Variants in ADAM2 observed in about 807,000 individuals in gnomAD.
The protein encoded by ADAM2 is disintegrin and metalloproteinase domain-containing protein 2.
A neutral mutation model predicts 99.3 loss-of-function variants in ADAM2; 101 were observed. That is an observed-to-expected ratio of 1.02 (90% CI 0.87 to 1.20). The LOEUF (loss-of-function observed/expected upper bound fraction) is 1.20, where lower values mean the gene tolerates loss of function less well. Among genes scored for constraint, ADAM2 ranks in the 50% most tolerant of loss-of-function variants. ADAM2 has a pLI of 0.00. For missense variants in ADAM2, 948 were observed against 878.7 expected (o/e 1.08, Z -1.00); for synonymous variants, 323 against 287.6 (o/e 1.12, Z -1.25).
intron 6 of ADAM2, among the ~76,000 whole-genome samples, chr8:39,815,657 TA>T (rs1442968322): frequency 2.0e-4 from 30 of 152,280 alleles, no homozygotes; most frequent in African/African-American, 5.5e-4. Context: ...GGCAGGGAAT[TA>T]CATGAAATTT....
chr8:39,755,543 T>A (rs1802115257), intron 16 of ADAM2, among the ~76,000 whole-genome samples, 185 bp downstream of exon 16: 1 of 152,008 alleles, frequency 6.6e-6, no homozygotes, highest in African/African-American at 2.4e-5. Context: ...GGTGTGGTGG[T>A]ACCACCTGTA....
chr8:39,778,678 CGAG>C (rs1803095805), intron 10 of ADAM2, among the ~76,000 whole-genome samples: 2 of 147,854 alleles, frequency 1.4e-5, no homozygotes, highest in South Asian at 2.1e-4. Context: ...AGGAGGAGGA[CGAG>C]GAGGAGGAGA....
intron 16 of ADAM2, among the ~76,000 whole-genome samples, chr8:39,753,473 G>T (rs1196360955): frequency 6.6e-6 from 1 of 151,982 alleles, no homozygotes; most frequent in East Asian, 1.9e-4. Context: ...GTCTGCTGCA[G>T]AAATTTGCAT....
chr8:39,784,051 G>A lies in ADAM2; in HGVS notation c.891+2923C>T, dbSNP rs531471559. 4.6e-5 allele frequency among the ~76,000 whole-genome samples: 7 copies of A among 152,268 alleles called. No homozygotes were observed. The East Asian group carries it at 1.4e-3, about 29-fold the overall frequency. On this transcript the variant is annotated intron_variant, in intron 10 of 20. Coordinates refer to ENST00000265708, the MANE Select transcript of ADAM2 (RefSeq NM_001464.5). The stretch of plus-strand genomic sequence containing the variant: ...CTGTGGTTTCACATATAAACTTTTA[G>A]GAAGGAGCAGCATTGGAAGGATACA...
intron 7 of ADAM2, among the ~76,000 whole-genome samples, chr8:39,792,279 C>T (rs1485919665): frequency 6.6e-6 from 1 of 151,844 alleles, no homozygotes; most frequent in Non-Finnish European, 1.5e-5. Context: ...ATTACAATGG[C>T]TTTTATGAGG....
chr8:39,808,788 T>C (rs1410446936), intron 7 of ADAM2, among the ~76,000 whole-genome samples: 2 of 152,058 alleles, frequency 1.3e-5, no homozygotes, highest in African/African-American at 4.8e-5. Flanking sequence ...TGGTGGTGTG[T>C]GCCTGTAGTC....
At chr8:39,802,852 A>G (rs1026658408) in intron 7 of ADAM2, among the ~76,000 whole-genome samples, 1 of 152,192 alleles carries the variant, frequency 6.6e-6, no homozygotes, top group Non-Finnish European at 1.5e-5. Context: ...CTAGCCATCA[A>G]CTTTTGTTTT....
intron 10 of ADAM2, among the ~76,000 whole-genome samples, chr8:39,783,884 G>A (rs571163835): frequency 7.9e-5 from 12 of 152,122 alleles, no homozygotes; most frequent in Non-Finnish European, 1.3e-4. Flanking sequence ...CCTGGGAGGC[G>A]GGGTGAGTCA....
rs551742782 is a variant in ADAM2, at chr8:39,837,283, T to C, written c.56-71A>G. 26 of 1,031,090 alleles carry C rather than the reference T, an allele frequency of 2.5e-5. No individual in the cohort carries two copies. The South Asian group carries it at 3.0e-4, about 12-fold the overall frequency. The allele number at this position is 1,031,090 out of a possible 1,614,324, so 63.9% of individuals were successfully genotyped here. ...CAGAGCGTGTTTTATGAGTTTTTCA[T>C]CTAAATCTCTAATCTCTATTCTATA... is the stretch of plus-strand genomic sequence containing the variant. On this transcript the variant is annotated intron_variant, in intron 1 of 20. Coordinates refer to ENST00000265708, the MANE Select transcript of ADAM2 (RefSeq NM_001464.5).
intron 4 of ADAM2, among the ~76,000 whole-genome samples, chr8:39,824,335 T>G (rs1207792176): frequency 6.7e-6 from 1 of 150,064 alleles, no homozygotes; most frequent in Non-Finnish European, 1.5e-5. Context: ...TTTTATTCAC[T>G]CTTCTTTATT....
chr8:39,756,468 C>G (rs1367791238), intron 15 of ADAM2, among the ~76,000 whole-genome samples: 3 of 152,146 alleles, frequency 2.0e-5, no homozygotes, highest in Admixed American at 1.3e-4. Flanking sequence ...TTATTTGGCC[C>G]TTGCATCCTG....
At chr8:39,809,387 T>C (rs372247951) in intron 7 of ADAM2, 23 bp downstream of exon 7, 32 of 896,614 alleles carry the variant, frequency 3.6e-5, no homozygotes, top group Non-Finnish European at 5.4e-5. Context: ...TTAAGGGACA[T>C]AAATAAATCA....
chr8:39,759,878 T>A (rs1802283105), intron 15 of ADAM2, among the ~76,000 whole-genome samples: 1 of 152,240 alleles, frequency 6.6e-6, no homozygotes, highest in South Asian at 2.1e-4. Flanking sequence ...ATTTATTTTT[T>A]ATTTTTGAGG....
chr8:39,813,456 A>T (rs1274094071), intron 6 of ADAM2, among the ~76,000 whole-genome samples: 2 of 152,232 alleles, frequency 1.3e-5, no homozygotes, highest in Non-Finnish European at 2.9e-5. Context: ...TGCTGCTATA[A>T]GGACACATGC....
rs2129583793 is a variant in ADAM2 at position 39,761,268 on chromosome 8, G to A, written c.1521C>T (p.Gly507=). The change falls in exon 15 of 21, where the codon GGC becomes GGT. Residue 507 remains glycine, a synonymous_variant. Transcript: ENST00000265708. Reference sequence around the variant, plus strand: ...TAAGGTGAGAATAACATTCTGAAGGGCCAAACTCTACTTCTGAAAATAAAA... The same window carrying A: ...TAAGGTGAGAATAACATTCTGAAGGACCAAACTCTACTTCTGAAAATAAAA... ...TDTFGKEVEF[G]PSECYSHLNS... is the part of the protein sequence containing the mutation. 1 of 1,592,754 alleles carries A rather than the reference G, an allele frequency of 6.3e-7. No individual in the cohort carries two copies. Among genetic ancestry groups the A allele is most frequent in the South Asian group, 1.2e-5 (1 of 86,864 alleles).
intron 4 of ADAM2, among the ~76,000 whole-genome samples, chr8:39,823,158 G>T (rs1171107787): frequency 6.6e-6 from 1 of 152,106 alleles, no homozygotes; most frequent in African/African-American, 2.4e-5. Flanking sequence ...TGTTTGTCCT[G>T]GAGAGATCAC....
chr8:39,787,091 TG>T, intron 9 of ADAM2, 36 bp from the exon 10 acceptor site: 1 of 1,345,866 alleles, frequency 7.4e-7, no homozygotes, highest in Non-Finnish European at 1.0e-6. Flanking sequence ...CATATAATTT[TG>T]TAAAAATTAA....
At chr8:39,790,485 C>T (rs559230980) in intron 7 of ADAM2, among the ~76,000 whole-genome samples, 1 of 151,836 alleles carries the variant, frequency 6.6e-6, no homozygotes, top group East Asian at 1.9e-4. Context: ...TCTGTATGTT[C>T]AAAAAGTAAA....
At chr8:39,836,492 T>C (rs1431730249) in intron 2 of ADAM2, among the ~76,000 whole-genome samples, 1 of 151,524 alleles carries the variant, frequency 6.6e-6, no homozygotes, top group Non-Finnish European at 1.5e-5. Context: ...GGATATATGC[T>C]AAGGAAATGT....
Sources: allele counts gnomAD v4.1 joint callset (sites outside exome capture counted in the v4.1 genomes callset), GRCh38; gene constraint gnomAD v4.1.1; transcripts MANE v1.5; gene names NCBI Gene and HGNC (gene_info 2026-07-23, HGNC 2026-07-21).